SLC24A2: variants seen among roughly 807,000 people sequenced by gnomAD.
SLC24A2 encodes the protein sodium/potassium/calcium exchanger 2.
SLC24A2 carries 36 observed loss-of-function variants against 62.0 expected under a neutral mutation model. The ratio of observed to expected loss-of-function variants is 0.58; its 90% CI spans 0.44 to 0.77. The LOEUF (loss-of-function observed/expected upper bound fraction) is 0.77. Ranked by LOEUF, SLC24A2 falls within the 30% of genes least tolerant of loss-of-function variation. The probability of loss-of-function intolerance (pLI) is 0.00; values close to 1 mark genes in which losing one functional copy is unlikely to be tolerated. For missense variants in SLC24A2, 846 were observed against 817.9 expected, an observed-to-expected ratio of 1.03 and a Z score of -0.42; for synonymous variants, 358 against 294.0, an observed-to-expected ratio of 1.22 and a Z score of -2.23.
At chr9:20,103,380 A>G in the SLC24A2 span, among the ~76,000 whole-genome samples, 12 of 152,348 alleles carry the variant, frequency 7.9e-5, no homozygotes, top group East Asian at 7.7e-4. Context: ...ATCTGAGAAC[A>G]GGCAGACTGC....
the SLC24A2 span, among the ~76,000 whole-genome samples, chr9:20,182,162 G>T: frequency 1.3e-5 from 2 of 152,136 alleles, no homozygotes; most frequent in Non-Finnish European, 2.9e-5. Flanking sequence ...AAATAGGAAC[G>T]CTTTTACACT....
chr9:19,954,451 T>C, the SLC24A2 span, among the ~76,000 whole-genome samples: 2 of 152,050 alleles, frequency 1.3e-5, no homozygotes, highest in South Asian at 2.1e-4. Flanking sequence ...CCAATAGTAA[T>C]TGGGAAAATA....
chr9:20,200,372 C>A, the SLC24A2 span, among the ~76,000 whole-genome samples: 1 of 152,122 alleles, frequency 6.6e-6, no homozygotes, highest in African/African-American at 2.4e-5. Context: ...TAGGCATGGA[C>A]CAAGAAACCA....
At chr9:19,857,378 A>T in the SLC24A2 span, among the ~76,000 whole-genome samples, 1 of 152,242 alleles carries the variant, frequency 6.6e-6, no homozygotes, top group East Asian at 1.9e-4. Context: ...TACATCTACA[A>T]AGTTATTTTT....
intron 5 of SLC24A2, among the ~76,000 whole-genome samples, chr9:19,585,437 A>C (rs1480290447): frequency 1.3e-5 from 2 of 152,196 alleles, no homozygotes. Flanking sequence ...ATCATTTTGT[A>C]TGTTTCCTGG....
At chr9:19,930,985 T>G in the SLC24A2 span, among the ~76,000 whole-genome samples, 4 of 152,222 alleles carry the variant, frequency 2.6e-5, no homozygotes, top group Admixed American at 2.6e-4. Flanking sequence ...AGGATTGGCA[T>G]TAGCAGAATT....
At chr9:20,291,180 G>C in the SLC24A2 span, among the ~76,000 whole-genome samples, 3 of 152,234 alleles carry the variant, frequency 2.0e-5, no homozygotes, top group African/African-American at 7.2e-5. Flanking sequence ...AAGCAACTGA[G>C]AGCAAGCAAG....
chr9:20,290,500 C>A, the SLC24A2 span, among the ~76,000 whole-genome samples: 1 of 152,190 alleles, frequency 6.6e-6, no homozygotes, highest in Non-Finnish European at 1.5e-5. Context: ...CCTTTGGCCG[C>A]GGGTCTGTAG....
the SLC24A2 span, among the ~76,000 whole-genome samples, chr9:20,258,187 GATTAA>G: frequency 2.6e-5 from 4 of 152,198 alleles, no homozygotes; most frequent in Admixed American, 2.6e-4. Context: ...TTTGCCAAAT[GATTAA>G]ATTAATATGT....
rs538255044 is a variant in SLC24A2, at chr9:19,543,197, T to C, written c.1479+6940A>G. On this transcript the variant is annotated intron_variant, in intron 8 of 10. Coordinates refer to ENST00000341998, the MANE Select transcript of SLC24A2 (RefSeq NM_020344.4). The stretch of plus-strand genomic sequence containing the variant: ...CAGGAATTTATCCATTTCTTCTAGA[T>C]TTTCTGGTTTATTTGCATAGAGGTG... Among the ~76,000 whole-genome samples the C allele has an allele frequency of 2.6e-5, 4 of 152,106 alleles. No individual in the cohort carries two copies. In the East Asian group the frequency reaches 7.7e-4, roughly 29 times the overall value.
chr9:19,947,332 C>G, the SLC24A2 span, among the ~76,000 whole-genome samples: 1 of 149,634 alleles, frequency 6.7e-6, no homozygotes, highest in South Asian at 2.1e-4. Flanking sequence ...CAAAAGTAGG[C>G]TGCACTGTGG....
the SLC24A2 span, among the ~76,000 whole-genome samples, chr9:20,037,176 G>A: frequency 6.7e-6 from 1 of 149,900 alleles, no homozygotes; most frequent in Admixed American, 6.6e-5. Context: ...GGGATTACAG[G>A]CGTGAGCCGC....
At chr9:20,240,669 G>A in the SLC24A2 span, among the ~76,000 whole-genome samples, 4 of 152,048 alleles carry the variant, frequency 2.6e-5, no homozygotes, top group Admixed American at 1.3e-4. Flanking sequence ...AAATGACTAG[G>A]AACTGAAATG....
chr9:20,176,587 T>A, the SLC24A2 span, among the ~76,000 whole-genome samples: 2 of 152,112 alleles, frequency 1.3e-5, no homozygotes, highest in African/African-American at 4.8e-5. Flanking sequence ...CAGTGTACTA[T>A]CTTGCCGATG....
At chr9:19,995,105 T>C in the SLC24A2 span, among the ~76,000 whole-genome samples, 2 of 150,792 alleles carry the variant, frequency 1.3e-5, no homozygotes, top group Admixed American at 6.6e-5. Flanking sequence ...CATAGAAGGA[T>C]AATTATTTCC....
At chr9:20,232,915 G>A in the SLC24A2 span, among the ~76,000 whole-genome samples, 1 of 151,994 alleles carries the variant, frequency 6.6e-6, no homozygotes, top group Admixed American at 6.6e-5. Flanking sequence ...CAGAGATTCT[G>A]GTATGTGGTG....
At chr9:19,888,976 C>G in the SLC24A2 span, among the ~76,000 whole-genome samples, 1 of 152,320 alleles carries the variant, frequency 6.6e-6, no homozygotes, top group East Asian at 1.9e-4. Flanking sequence ...CCTGGAGAAT[C>G]TGGTGGAGCC....
chr9:19,846,198 T>A, the SLC24A2 span, among the ~76,000 whole-genome samples: 1 of 152,228 alleles, frequency 6.6e-6, no homozygotes, highest in Non-Finnish European at 1.5e-5. Flanking sequence ...GGTGTTGAAG[T>A]CACCCATTAT....
At chr9:19,844,594 G>A in the SLC24A2 span, among the ~76,000 whole-genome samples, 3 of 151,876 alleles carry the variant, frequency 2.0e-5, no homozygotes, top group Non-Finnish European at 4.4e-5. Flanking sequence ...TCTTTCCCAA[G>A]GCCAATGTCT....
Sources: gnomAD v4.1 joint callset for allele counts (sites outside exome capture counted in the v4.1 genomes callset) on GRCh38, gnomAD v4.1.1 for gene constraint, MANE v1.5 for transcripts, NCBI Gene and HGNC (gene_info 2026-07-23, HGNC 2026-07-21) for gene names.